TENM3: variants seen among roughly 807,000 people sequenced by gnomAD.
TENM3 encodes the protein teneurin-3.
In TENM3, 63 loss-of-function variants were observed where a neutral mutation model predicts 255.1. That is an observed-to-expected ratio of 0.25 (90% CI 0.20 to 0.30). The LOEUF is 0.30. Among genes scored for constraint, TENM3 ranks in the 10% least tolerant of loss-of-function variants. TENM3 has a pLI of 1.00. For synonymous variants in TENM3, 1,306 were observed against 1,322.3 expected (o/e 0.99, Z 0.27); for missense variants, 2,929 against 3,461.1 (o/e 0.85, Z 3.86).
At chr4:182,749,991 A>AAC (rs145550571) in intron 19 of TENM3, among the ~76,000 whole-genome samples, 109,636 of 151,896 alleles carry the variant, frequency 0.72, 42,144 homozygotes, top group East Asian at 0.88. Flanking sequence ...AGGAAAAAAA[A>AAC]AAAACCTCTA....
chr4:182,269,891 CAG>C (rs1453854622), intron 1 of TENM3, among the ~76,000 whole-genome samples: 3 of 152,074 alleles, frequency 2.0e-5, no homozygotes, highest in East Asian at 1.9e-4. Context: ...TTTAGGGAGA[CAG>C]GGGTAACAGG....
chr4:182,183,897 G>A (rs1752989013), intron 1 of TENM3, among the ~76,000 whole-genome samples: 6 of 152,090 alleles, frequency 3.9e-5, no homozygotes. Flanking sequence ...AAATGTCTGA[G>A]TTTAGTAAAG....
At chr4:182,320,144 C>T (rs1213433838) in intron 1 of TENM3, among the ~76,000 whole-genome samples, 4 of 151,808 alleles carry the variant, frequency 2.6e-5, no homozygotes, top group African/African-American at 9.7e-5. Flanking sequence ...AATGGAAAGA[C>T]GGATGGTTTA....
At chr4:181,736,933 T>C in the TENM3 span, among the ~76,000 whole-genome samples, 16 of 152,050 alleles carry the variant, frequency 1.1e-4, no homozygotes, top group Admixed American at 4.6e-4. Flanking sequence ...GAGAAACACG[T>C]GGCCCATAAC....
intron 24 of TENM3, among the ~76,000 whole-genome samples, chr4:182,778,095 T>C (rs1326351937): frequency 6.6e-6 from 1 of 151,934 alleles, no homozygotes; most frequent in Non-Finnish European, 1.5e-5. Context: ...GACACATAGA[T>C]AGCAGTTGCT....
chr4:181,561,342 C>G, the TENM3 span, among the ~76,000 whole-genome samples: 2 of 151,680 alleles, frequency 1.3e-5, no homozygotes, highest in African/African-American at 4.8e-5. Flanking sequence ...ATGAATGAAC[C>G]AAAAACTTTC....
the TENM3 span, among the ~76,000 whole-genome samples, chr4:181,715,611 G>T: frequency 6.6e-6 from 1 of 152,174 alleles, no homozygotes. Context: ...ATTGTAAAAT[G>T]CTGTTTTATC....
the TENM3 span, among the ~76,000 whole-genome samples, chr4:181,690,393 T>C: frequency 1.3e-5 from 2 of 152,196 alleles, no homozygotes; most frequent in African/African-American, 4.8e-5. Context: ...CCAATAACCA[T>C]TGTCACTGCA....
chr4:182,414,027 T>C (rs1316903728), intron 3 of TENM3, among the ~76,000 whole-genome samples: 1 of 152,240 alleles, frequency 6.6e-6, no homozygotes, highest in Non-Finnish European at 1.5e-5. Context: ...ACAATCATAG[T>C]AGTTATAACA....
At chr4:181,548,948 C>A in the TENM3 span, among the ~76,000 whole-genome samples, 1 of 152,160 alleles carries the variant, frequency 6.6e-6, no homozygotes, top group Non-Finnish European at 1.5e-5. Flanking sequence ...CAGAAGGTAA[C>A]TGGAGCCCAA....
At chr4:181,684,254 C>T in the TENM3 span, among the ~76,000 whole-genome samples, 9 of 152,068 alleles carry the variant, frequency 5.9e-5, no homozygotes, top group Non-Finnish European at 1.2e-4. Context: ...CAGTGAAGGC[C>T]GAAAGCCCTA....
chr4:182,545,292 G>A (rs941955070), intron 3 of TENM3, among the ~76,000 whole-genome samples: 15 of 152,066 alleles, frequency 9.9e-5, no homozygotes, highest in African/African-American at 3.6e-4. Flanking sequence ...ATTAATAGAT[G>A]TATATTTTTG....
the TENM3 span, among the ~76,000 whole-genome samples, chr4:182,029,552 C>T: frequency 2.6e-5 from 4 of 152,120 alleles, no homozygotes; most frequent in African/African-American, 9.7e-5. Flanking sequence ...GTTATATCCT[C>T]TTGCTGAATG....
In TENM3 at chr4:182,792,264, C is replaced by T. The variant is rs1248192799; in HGVS notation, c.5602-10C>T. ...CAAACACTGAGTAACAGTATGTTCT[C>T]TCTTTACAGTCCATGGTTCTTCTGC... On this transcript the variant is annotated splice_polypyrimidine_tract_variant and intron_variant, in intron 25 of 27. Transcript: ENST00000511685. This position sits in a 1 kb window ranked among gnomAD's most constrained non-coding sequence, Gnocchi z 6.3. 4 of 1,608,946 alleles carry T rather than the reference C, an allele frequency of 2.5e-6. No homozygotes were observed. Among genetic ancestry groups the T allele is most frequent in the African/African-American group, 2.7e-5 (2 of 74,842 alleles).
At chr4:182,243,956 T>C (rs1473631219) in intron 1 of TENM3, among the ~76,000 whole-genome samples, 1 of 137,858 alleles carries the variant, frequency 7.3e-6, no homozygotes, top group African/African-American at 2.8e-5. Flanking sequence ...CTTTTTTTTT[T>C]TTTTTTTTTT....
chr4:181,922,555 G>T, the TENM3 span, among the ~76,000 whole-genome samples: 1 of 152,134 alleles, frequency 6.6e-6, no homozygotes. Context: ...ATGGTAGTTT[G>T]TATTTCTGTG....
At chr4:181,900,438 T>C in the TENM3 span, among the ~76,000 whole-genome samples, 1 of 152,202 alleles carries the variant, frequency 6.6e-6, no homozygotes, top group Non-Finnish European at 1.5e-5. Context: ...ACATATCATA[T>C]ATAAATATGG....
intron 22 of TENM3, among the ~76,000 whole-genome samples, chr4:182,757,381 G>T (rs945925591): frequency 2.0e-5 from 3 of 147,284 alleles, no homozygotes; most frequent in Admixed American, 6.8e-5. Flanking sequence ...TTTCAGTTTA[G>T]TTGAAAGTGG....
the TENM3 span, among the ~76,000 whole-genome samples, chr4:181,526,645 GGTA>G: frequency 3.3e-5 from 5 of 151,150 alleles, no homozygotes. Context: ...ATTTTTTTGT[GGTA>G]GTAGTGGTGG....
Sources: gnomAD v4.1 joint callset for allele counts (sites outside exome capture counted in the v4.1 genomes callset) on GRCh38, gnomAD v4.1.1 for gene constraint, Gnocchi (gnomAD v3.1) non-coding constraint, MANE v1.5 for transcripts, NCBI Gene and HGNC (gene_info 2026-07-23, HGNC 2026-07-21) for gene names.